Variants in TNKS2 observed in about 807,000 individuals in gnomAD.
The protein encoded by TNKS2 is tankyrase 2, also known as poly [ADP-ribose] polymerase tankyrase-2.
Under a neutral mutation model 137.6 loss-of-function variants are expected in TNKS2, and 72 were observed. That is an observed-to-expected ratio of 0.52 (90% CI 0.43 to 0.64). The LOEUF (loss-of-function observed/expected upper bound fraction) is 0.64. Among genes scored for constraint, TNKS2 ranks in the 30% least tolerant of loss-of-function variants. The pLI is 0.00. For synonymous variants in TNKS2, 516 were observed against 512.1 expected (o/e 1.01, Z -0.10); for missense variants, 1,049 against 1,410.2 (o/e 0.74, Z 4.10).
intron 1 of TNKS2, among the ~76,000 whole-genome samples, chr10:91,800,599 G>A (rs1003113895): frequency 1.3e-5 from 2 of 152,020 alleles, no homozygotes; most frequent in Non-Finnish European, 2.9e-5. Flanking sequence ...TTCAAGTTTG[G>A]AAGACTTAAT....
intron 11 of TNKS2, 115 bp from the exon 12 acceptor site, chr10:91,833,738 A>G: frequency 1.3e-6 from 1 of 780,942 alleles, no homozygotes; most frequent in Middle Eastern, 4.0e-4. Context: ...GGCATTGGAT[A>G]ATAGGCCTCA....
rs111818851 is a variant in TNKS2 at position 91,844,920 on chromosome 10, T to C, written c.2061T>C (p.Ala687=). Residue 687 remains alanine, a splice_region_variant and synonymous_variant, in exon 17 of 27, where the codon GCT becomes GCC. Coordinates refer to ENST00000371627, the MANE Select transcript of TNKS2 (RefSeq NM_025235.4). ...AATTTTACTTCTTTTCTAAATTAGCTGGTTATAATAATTTAGAAGTTGCAG... is the reference window on the plus strand; with the variant it reads ...AATTTTACTTCTTTTCTAAATTAGCCGGTTATAATAATTTAGAAGTTGCAG... ...GRHSTPLHLA[A]GYNNLEVAEY... The C allele has an allele frequency of 8.1e-6, 13 of 1,596,328 alleles. No homozygotes were observed. In the African/African-American group the frequency reaches 9.4e-5, roughly 12 times the overall value.
intron 1 of TNKS2, among the ~76,000 whole-genome samples, chr10:91,799,696 A>G (rs1481674546): frequency 6.6e-6 from 1 of 152,244 alleles, no homozygotes; most frequent in Non-Finnish European, 1.5e-5. Context: ...GAAAAATTTA[A>G]AAGAGCCATA....
At chr10:91,819,426 T>C (rs1016527124) in intron 4 of TNKS2, 56 bp from the exon 5 acceptor site, 4 of 1,476,768 alleles carry the variant, frequency 2.7e-6, no homozygotes, top group East Asian at 2.4e-5. Flanking sequence ...ACAGTACTTA[T>C]CTTGAGGAAC....
Position 91,845,818 on chromosome 10 carries a change from T to C in TNKS2, c.2236T>C (p.Phe746Leu). 1 of 1,607,884 alleles carries C rather than the reference T, an allele frequency of 6.2e-7. No homozygotes were observed. Among genetic ancestry groups the C allele is most frequent in the Non-Finnish European group, 8.5e-7 (1 of 1,175,266 alleles). The change falls in exon 18 of 27, where the codon TTC (phenylalanine) becomes CTC (leucine). Residue 746 changes from phenylalanine to leucine, a missense_variant. This residue lies in a region of TNKS2 where 328 missense variants were observed against 436.0 expected (regional missense o/e 0.75). Transcript: ENST00000371627. Reference sequence around the variant, plus strand: ...TGTCAATGCCACGGACAAATGGGCTTTCACACCTTTGCACGAAGCAGCCCA... The same window carrying C: ...TGTCAATGCCACGGACAAATGGGCTCTCACACCTTTGCACGAAGCAGCCCA... ...ACVNATDKWA[F>L]TPLHEAAQKG...
intron 18 of TNKS2, among the ~76,000 whole-genome samples, chr10:91,847,826 G>C (rs913489279): frequency 6.6e-6 from 1 of 152,156 alleles, no homozygotes; most frequent in Non-Finnish European, 1.5e-5. Flanking sequence ...AACTACAATA[G>C]GACTAAAATC....
intron 18 of TNKS2, among the ~76,000 whole-genome samples, chr10:91,846,909 C>T (rs1459762413): frequency 1.3e-5 from 2 of 152,172 alleles, no homozygotes; most frequent in Non-Finnish European, 2.9e-5. Context: ...AGAGAACATA[C>T]AGGGGCTTTA....
At chr10:91,808,791 A>G (rs1844408023) in intron 1 of TNKS2, among the ~76,000 whole-genome samples, 1 of 152,208 alleles carries the variant, frequency 6.6e-6, no homozygotes, top group Non-Finnish European at 1.5e-5. Flanking sequence ...GATTATCTAA[A>G]AAGAGGTTAG....
intron 2 of TNKS2, 87 bp downstream of exon 2, chr10:91,813,294 T>C (rs1042813044): frequency 7.2e-6 from 8 of 1,114,870 alleles, no homozygotes; most frequent in East Asian, 5.0e-5. Flanking sequence ...CATCAAATTA[T>C]GTCAAGCTGA....
At chr10:91,831,281 A>G in intron 11 of TNKS2, 100 bp downstream of exon 11, 1 of 1,102,206 alleles carries the variant, frequency 9.1e-7, no homozygotes, top group Non-Finnish European at 1.3e-6. Flanking sequence ...TCTCATAAGT[A>G]TTACTTTTTT....
chr10:91,861,065 A>G (rs1236816954), intron 25 of TNKS2, among the ~76,000 whole-genome samples: 1 of 152,192 alleles, frequency 6.6e-6, no homozygotes, highest in African/African-American at 2.4e-5. Flanking sequence ...GTTGTTTGAA[A>G]CTAAGAAAGG....
intron 23 of TNKS2, 125 bp from the exon 24 acceptor site, chr10:91,857,300 C>T (rs1034952242): frequency 1.3e-5 from 6 of 476,238 alleles, no homozygotes; most frequent in African/African-American, 9.8e-5. Flanking sequence ...TAAAATAACA[C>T]ATTTTATATT....
chr10:91,808,187 T>C (rs1274215653), intron 1 of TNKS2, among the ~76,000 whole-genome samples: 3 of 151,594 alleles, frequency 2.0e-5, no homozygotes, highest in African/African-American at 7.3e-5. Flanking sequence ...GAAGGGACTA[T>C]TTTAGATGGG....
At position 91,859,651 on chromosome 10, in the gene TNKS2, A is replaced by G. The variant is rs766636338; in HGVS notation, c.3281+3A>G. The G allele has an allele frequency of 3.7e-6, 6 of 1,608,692 alleles. No homozygotes were observed. Among genetic ancestry groups the G allele is most frequent in the African/African-American group, 1.3e-5 (1 of 74,620 alleles). On this transcript the variant is annotated splice_donor_region_variant and intron_variant, in intron 25 of 26. Coordinates refer to ENST00000371627, the MANE Select transcript of TNKS2 (RefSeq NM_025235.4). ...AGATCTTGTTACATTTGCCACAGGT[A>G]AGAGATCACTTGTTCTCATTTATTT... is the stretch of plus-strand genomic sequence containing the variant.
At chr10:91,838,709 A>G (rs1288693487) in intron 13 of TNKS2, among the ~76,000 whole-genome samples, 1 of 152,200 alleles carries the variant, frequency 6.6e-6, no homozygotes, top group Non-Finnish European at 1.5e-5. Flanking sequence ...TTATTTGGGA[A>G]GCACAGAAGA....
In TNKS2 at chr10:91,848,539, A is replaced by G; in HGVS notation, c.2515A>G (p.Ser839Gly). ...PSSPSSLSAA[S>G]SLDNLSGSFS... The stretch of plus-strand genomic sequence containing the variant: ...TAGCCCATCAAGCCTTTCTGCAGCC[A>G]GCAGTCTTGACAACTTATCTGGGAG... Residue 839 changes from serine to glycine, a missense_variant, in exon 19 of 27, where the codon AGC becomes GGC. Ser to Gly is a moderately conservative substitution (Grantham distance 56). Transcript: ENST00000371627. 1 of 1,614,160 alleles carries G rather than the reference A, an allele frequency of 6.2e-7. No individual in the cohort carries two copies. Among genetic ancestry groups the G allele is most frequent in the South Asian group, 1.1e-5 (1 of 91,086 alleles).
rs1389743090 is a variant in TNKS2 at position 91,865,180 on chromosome 10, G to T, written c.*2181G>T. ...TTTTTGAAGTGAAATTTAACTTTTT[G>T]TGCAAGTAGTACTATTATACCCATC... On this transcript the variant is annotated 3_prime_UTR_variant, in exon 27 of 27. Transcript: ENST00000371627. The T allele has an allele frequency of 2.0e-5, 3 of 151,168 alleles. No homozygotes were observed. The highest frequency in any genetic ancestry group is 7.3e-5 in the African/African-American group (3 of 40,982). The allele number at this position is 151,168 out of a possible 1,614,324, so 9.4% of individuals were successfully genotyped here.
At chr10:91,852,276 G>A (rs1481686907) in intron 21 of TNKS2, among the ~76,000 whole-genome samples, 1 of 150,572 alleles carries the variant, frequency 6.6e-6, no homozygotes, top group Non-Finnish European at 1.5e-5. Context: ...TAATTGTTTT[G>A]GCTAGGCTCA....
chr10:91,802,681 A>G (rs1259144597), intron 1 of TNKS2, among the ~76,000 whole-genome samples: 1 of 152,242 alleles, frequency 6.6e-6, no homozygotes, highest in African/African-American at 2.4e-5. Context: ...AATGATAACC[A>G]TTGGAGACCT....
Sources: allele counts gnomAD v4.1 joint callset (sites outside exome capture counted in the v4.1 genomes callset), GRCh38; gene constraint gnomAD v4.1.1; regional missense constraint gnomAD v4.1.1; transcripts MANE v1.5; gene names NCBI Gene and HGNC (gene_info 2026-07-23, HGNC 2026-07-21).